Variants in RIMKLB observed in about 807,000 individuals in gnomAD.
RIMKLB encodes the protein beta-citrylglutamate synthase B.
In RIMKLB, 7 loss-of-function variants were observed where a neutral mutation model predicts 32.0. The ratio of observed to expected loss-of-function variants is 0.22; its 90% CI spans 0.12 to 0.41. The LOEUF (loss-of-function observed/expected upper bound fraction) is 0.41, where lower values mean the gene tolerates loss of function less well. Among genes scored for constraint, RIMKLB ranks in the 10% least tolerant of loss-of-function variants. The probability of loss-of-function intolerance (pLI) is 1.00; values close to 1 mark genes in which losing one functional copy is unlikely to be tolerated. For synonymous variants in RIMKLB, 172 were observed against 185.1 expected (o/e 0.93, Z 0.57); for missense variants, 289 against 498.7 (o/e 0.58, Z 4.00).
chr12:8,771,265 T>A (rs1484616691), intron 5 of RIMKLB, among the ~76,000 whole-genome samples: 1 of 152,192 alleles, frequency 6.6e-6, no homozygotes, highest in Non-Finnish European at 1.5e-5. Context: ...GCCACATTCC[T>A]TCCTCCAGGG....
chr12:8,722,696 G>GA (rs1945578699), intron 2 of RIMKLB, among the ~76,000 whole-genome samples: 1 of 152,222 alleles, frequency 6.6e-6, no homozygotes, highest in Admixed American at 6.5e-5. Context: ...TGTCTACATT[G>GA]AAAATCCATT....
At chr12:8,777,508 G>T, downstream of RIMKLB, 1 of 1,146,412 alleles carries the variant, frequency 8.7e-7, no homozygotes, top group East Asian at 6.9e-5. Flanking sequence ...TTTGGCCTTT[G>T]AAGATCCTTA....
chr12:8,682,945 T>C (rs1415659779), intron 1 of RIMKLB, among the ~76,000 whole-genome samples: 1 of 151,970 alleles, frequency 6.6e-6, no homozygotes, highest in African/African-American at 2.4e-5. Context: ...CTGCAACTAC[T>C]GATCTTTTTA....
At chr12:8,683,186 A>C (rs1160548532) in intron 1 of RIMKLB, among the ~76,000 whole-genome samples, 1 of 152,144 alleles carries the variant, frequency 6.6e-6, no homozygotes, top group Non-Finnish European at 1.5e-5. Flanking sequence ...ATTGCCCACA[A>C]GTTTTGGCAA....
At chr12:8,732,756 T>TATACACACACACACACACACACAC (rs1213499853) in intron 2 of RIMKLB, among the ~76,000 whole-genome samples, 2 of 150,144 alleles carry the variant, frequency 1.3e-5, no homozygotes, top group Admixed American at 1.3e-4. Context: ...TATATATATA[T>TATACACACACACACACACACACAC]ACACACACAC....
intron 1 of RIMKLB, among the ~76,000 whole-genome samples, chr12:8,707,619 G>C (rs751710157): frequency 1.1e-3 from 169 of 152,308 alleles, no homozygotes; most frequent in African/African-American, 3.7e-3. Context: ...CCAGAGGTTA[G>C]GGGATGAGAC....
At chr12:8,706,696 C>T (rs75497596) in intron 1 of RIMKLB, among the ~76,000 whole-genome samples, 44 of 152,118 alleles carry the variant, frequency 2.9e-4, no homozygotes, top group African/African-American at 1.1e-3. Context: ...CAGGTGATCC[C>T]GCCCACCTCA....
At chr12:8,676,714 T>G (rs1437270272), upstream of RIMKLB, among the ~76,000 whole-genome samples, 2 of 152,010 alleles carry the variant, frequency 1.3e-5, no homozygotes, top group Admixed American at 1.3e-4. Flanking sequence ...GCTTTTAAAT[T>G]ATATTTATTT....
chr12:8,729,968 A>C (rs755355919), intron 2 of RIMKLB, among the ~76,000 whole-genome samples: 3 of 152,168 alleles, frequency 2.0e-5, no homozygotes, highest in Non-Finnish European at 4.4e-5. Context: ...CCTATTGGCT[A>C]TTTGTATATC....
At chr12:8,744,173 A>G (rs1017296342) in intron 2 of RIMKLB, among the ~76,000 whole-genome samples, 3 of 151,996 alleles carry the variant, frequency 2.0e-5, no homozygotes, top group Non-Finnish European at 4.4e-5. Context: ...AGTAGCTCAT[A>G]AGGCAGAGTC....
At chr12:8,669,170 T>C in the RIMKLB span, among the ~76,000 whole-genome samples, 1 of 151,916 alleles carries the variant, frequency 6.6e-6, no homozygotes, top group East Asian at 1.9e-4. Context: ...CGTCCACTCA[T>C]GGATGAAGGG....
chr12:8,742,387 C>T (rs924617210), intron 2 of RIMKLB: 14 of 249,168 alleles, frequency 5.6e-5, no homozygotes, highest in Non-Finnish European at 1.1e-4. Context: ...GGGAGGGGTC[C>T]ATGTGGCCTT....
downstream of RIMKLB, chr12:8,777,246 TAAAA>T (rs1322524799): frequency 3.6e-5 from 34 of 935,352 alleles, no homozygotes; most frequent in Non-Finnish European, 4.0e-5. Flanking sequence ...TTTTTCTTCT[TAAAA>T]AAACAAAACA....
At chr12:8,756,877 A>G (rs1343304985) in intron 5 of RIMKLB, among the ~76,000 whole-genome samples, 4 of 151,696 alleles carry the variant, frequency 2.6e-5, no homozygotes, top group Non-Finnish European at 5.9e-5. Flanking sequence ...TTTTTAGTAG[A>G]GATGGGGTTT....
At chr12:8,703,351 G>C (rs948843480) in intron 1 of RIMKLB, among the ~76,000 whole-genome samples, 2 of 152,040 alleles carry the variant, frequency 1.3e-5, no homozygotes, top group Non-Finnish European at 2.9e-5. Flanking sequence ...TTTAAGGCAG[G>C]GTTTTGCTTT....
intron 4 of RIMKLB, 67 bp downstream of exon 4, chr12:8,752,110 T>C (rs1239573202): frequency 5.0e-6 from 5 of 1,006,084 alleles, no homozygotes; most frequent in African/African-American, 4.8e-5. Context: ...ATGGAGTGAC[T>C]TTGAAGAATA....
chr12:8,738,860 T>C (rs1373200864), intron 2 of RIMKLB, among the ~76,000 whole-genome samples: 1 of 152,238 alleles, frequency 6.6e-6, no homozygotes, highest in African/African-American at 2.4e-5. Context: ...TCTGAGTTAG[T>C]AGTTTTGTTG....
At chr12:8,728,785 GTGTT>G (rs1468979157) in intron 2 of RIMKLB, among the ~76,000 whole-genome samples, 1 of 143,202 alleles carries the variant, frequency 7.0e-6, no homozygotes, top group African/African-American at 3.0e-5. Flanking sequence ...GTGTGTGTGT[GTGTT>G]TTTGTTTGTT....
rs200953232 is a variant in RIMKLB at position 8,728,192 on chromosome 12, CTT to C, written c.175+14154_175+14155del. Among the ~76,000 whole-genome samples, 149 of 152,288 alleles carry C rather than the reference CTT, an allele frequency of 9.8e-4. 3 individuals are homozygous for C. The East Asian group carries it at 0.023, about 24-fold the overall frequency. On this transcript the variant is annotated intron_variant, in intron 2 of 5. Transcript: ENST00000535829. ...AAGTCTTTAGCCTATAAATCACAGT[CTT>C]TTAAAATCCTACCACTCCTGCTACA...
Sources: gnomAD v4.1 joint callset for allele counts (sites outside exome capture counted in the v4.1 genomes callset) on GRCh38, gnomAD v4.1.1 for gene constraint, MANE v1.5 for transcripts, NCBI Gene and HGNC (gene_info 2026-07-23, HGNC 2026-07-21) for gene names.